The following GALNT15 variants were observed in gnomAD, a reference collection of about 807,000 sequenced individuals.
The protein encoded by GALNT15 is UDP-GalNAc transferase T15.
Under a neutral mutation model 66.8 loss-of-function variants are expected in GALNT15, and 67 were observed. The ratio of observed to expected loss-of-function variants is 1.00; its 90% CI spans 0.82 to 1.23. The LOEUF is 1.23. Among genes scored for constraint, GALNT15 ranks in the 50% most tolerant of loss-of-function variants. GALNT15 has a pLI of 0.00. For missense variants in GALNT15, 827 were observed against 804.3 expected (o/e 1.03, Z -0.34); for synonymous variants, 313 against 311.5 (o/e 1.00, Z -0.05).
In GALNT15 at chr3:16,181,268, G is replaced by A. The variant is rs939268451; in HGVS notation, c.539+5578G>A. On this transcript the variant is annotated intron_variant, in intron 1 of 9. Coordinates refer to ENST00000339732, the MANE Select transcript of GALNT15 (RefSeq NM_054110.5). This position sits in a 1 kb window ranked among gnomAD's most constrained non-coding sequence, Gnocchi z 5.9. The stretch of plus-strand genomic sequence containing the variant: ...ATTCATACTCATGCTCCACTTCCAA[G>A]GATTTCTATTTAGTTGGTCTGGGGT... Among the ~76,000 whole-genome samples the A allele has an allele frequency of 3.3e-5, 5 of 152,136 alleles. No homozygotes were observed. The South Asian group carries it at 1.0e-3, about 32-fold the overall frequency.
At position 16,198,205 on chromosome 3, in the gene GALNT15, T is replaced by G. The variant is rs188504295; in HGVS notation, c.706+2279T>G. Among the ~76,000 whole-genome samples the G allele has an allele frequency of 1.1e-3, 155 of 142,572 alleles. 24 individuals carry two copies. The highest frequency in any genetic ancestry group is 3.6e-3 in the African/African-American group (138 of 38,340). 93.5% of individuals were successfully genotyped at this position (142,572 alleles called of 152,430 possible). A position where few individuals can be genotyped will look rare whatever the true frequency, so the allele number is the denominator to read the frequency against. ...ATGCCATTGGACACCCACCTTCATC[T>G]GCTTTCCACTTCAACATGCTTAGAG... is the stretch of plus-strand genomic sequence containing the variant. On this transcript the variant is annotated intron_variant, in intron 2 of 9. Transcript: ENST00000339732.
chr3:16,244,738 T>C, the GALNT15 span, among the ~76,000 whole-genome samples: 1 of 152,252 alleles, frequency 6.6e-6, no homozygotes, highest in African/African-American at 2.4e-5. Context: ...TGCTTAAGAC[T>C]GGAGTCCTGG....
rs1197781415 is a variant in GALNT15, at chr3:16,229,120, G to C, written c.*1620G>C. ...TAAAGATGCTAATCTCCTTTGGGCT[G>C]TCTCAGAACACAGTATCCTTCAAAT... On this transcript the variant is annotated 3_prime_UTR_variant, in exon 10 of 10. Transcript: ENST00000339732. The C allele has an allele frequency of 1.0e-6, 1 of 985,304 alleles. No homozygotes were observed. The highest frequency in any genetic ancestry group is 1.2e-6 in the Non-Finnish European group (1 of 829,930). The allele number at this position is 985,304 out of a possible 1,614,324, so 61.0% of individuals were successfully genotyped here. A position where few individuals can be genotyped will look rare whatever the true frequency, so the allele number is the denominator to read the frequency against.
intron 4 of GALNT15, among the ~76,000 whole-genome samples, chr3:16,210,634 A>C (rs2063802152): frequency 6.6e-6 from 1 of 152,182 alleles, no homozygotes; most frequent in African/African-American, 2.4e-5. Flanking sequence ...GTGGGGACTT[A>C]TCTGCTTCCA....
At chr3:16,240,512 A>G in the GALNT15 span, among the ~76,000 whole-genome samples, 1 of 152,354 alleles carries the variant, frequency 6.6e-6, no homozygotes, top group African/African-American at 2.4e-5. Context: ...CAGGAAGGCA[A>G]TCAAGTGCTC....
chr3:16,203,495 T>C lies in GALNT15; in HGVS notation c.911+2672T>C, dbSNP rs2063722813. On this transcript the variant is annotated intron_variant, in intron 3 of 9. Transcript: ENST00000339732. The surrounding 1 kb of genome is among the most constrained non-coding windows in gnomAD (Gnocchi z 6.2). ...CTCTCTACCTCTCTCACGGTCTTTG[T>C]CTCTCTCTGTCTCTTGGTCACTCAT... Among the ~76,000 whole-genome samples the C allele has an allele frequency of 6.6e-6, 1 of 151,378 alleles. No individual in the cohort carries two copies. Among genetic ancestry groups the C allele is most frequent in the Non-Finnish European group, 1.5e-5 (1 of 67,938 alleles).
rs1405440029 is a variant in GALNT15, at chr3:16,181,122, A to G, written c.539+5432A>G. Among the ~76,000 whole-genome samples the G allele has an allele frequency of 6.6e-6, 1 of 152,112 alleles. No individual in the cohort carries two copies. Among genetic ancestry groups the G allele is most frequent in the Non-Finnish European group, 1.5e-5 (1 of 68,018 alleles). ...AAGTTGGAGTGATGGAGAAAAATGG[A>G]GCTGTGGATATCATATTGCTGTCCT... is the stretch of plus-strand genomic sequence containing the variant. On this transcript the variant is annotated intron_variant, in intron 1 of 9. Transcript: ENST00000339732. The surrounding 1 kb of genome is among the most constrained non-coding windows in gnomAD (Gnocchi z 5.9).
Position 16,175,277 on chromosome 3 carries a change from G to C in GALNT15, c.126G>C (p.Gln42His), listed in dbSNP as rs1351033770. The C allele has an allele frequency of 3.1e-6, 5 of 1,614,058 alleles. No individual in the cohort carries two copies. In the African/African-American group the frequency reaches 5.3e-5, roughly 17 times the overall value. ...MLHPPHHTLH[Q>H]TVTAQASKHS... is the part of the protein sequence containing the mutation. ...ACCCTCCCCACCACACCCTGCACCA[G>C]ACTGTCACAGCCCAAGCCAGCAAGC... Residue 42 changes from glutamine to histidine, a missense_variant, in exon 1 of 10, where the codon CAG (glutamine) becomes CAC (histidine). Transcript: ENST00000339732. This position sits in a 1 kb window ranked among gnomAD's most constrained non-coding sequence, Gnocchi z 5.6.
At chr3:16,216,010 C>T (rs1203204287) in intron 6 of GALNT15, among the ~76,000 whole-genome samples, 1 of 151,782 alleles carries the variant, frequency 6.6e-6, no homozygotes, top group East Asian at 1.9e-4. Context: ...AGTATTTATT[C>T]TGCTGACCTT....
intron 8 of GALNT15, 154 bp downstream of exon 8, chr3:16,220,168 T>C (rs1481706910): frequency 1.5e-6 from 1 of 652,400 alleles, no homozygotes; most frequent in African/African-American, 1.8e-5. Context: ...TAATGACTCA[T>C]CACAGCTCTC....
Position 16,228,238 on chromosome 3 carries a change from TTAACCA to T in GALNT15, c.*751_*756del. On this transcript the variant is annotated 3_prime_UTR_variant, in exon 10 of 10. Transcript: ENST00000339732. ...CTGCCCTAGCTCTTCTCTAACTTGG[TTAACCA>T]TAACCATAACCAGATTCCCTTGCAA... 1.0e-6 allele frequency: 1 copy of T among 985,918 alleles called. No individual in the cohort carries two copies. Among genetic ancestry groups the T allele is most frequent in the Non-Finnish European group, 1.2e-6 (1 of 829,966 alleles). 61.1% of individuals were successfully genotyped at this position (985,918 alleles called of 1,614,324 possible).
At position 16,217,025 on chromosome 3, in the gene GALNT15, G is replaced by C. The variant is rs866242323; in HGVS notation, c.1393-2378G>C. 7.9e-5 allele frequency among the ~76,000 whole-genome samples: 12 copies of C among 152,144 alleles called. No homozygotes were observed. In the South Asian group the frequency reaches 8.3e-4, roughly 10 times the overall value. On this transcript the variant is annotated intron_variant, in intron 6 of 9. Transcript: ENST00000339732. ...GGTGGCCTGACATCCCTGGAGGTTGGGGGGGTCGGGGAAAATCCTCTCCTG... is the reference window on the plus strand; with the variant it reads ...GGTGGCCTGACATCCCTGGAGGTTGCGGGGGTCGGGGAAAATCCTCTCCTG...
chr3:16,177,973 T>TG (rs1230714198), intron 1 of GALNT15, among the ~76,000 whole-genome samples: 1 of 152,148 alleles, frequency 6.6e-6, no homozygotes, highest in Non-Finnish European at 1.5e-5. Flanking sequence ...GTGTGTGTAG[T>TG]GTGCATGGGT....
In GALNT15 at chr3:16,184,013, T is replaced by C. The variant is rs2063494847; in HGVS notation, c.539+8323T>C. Among the ~76,000 whole-genome samples the C allele has an allele frequency of 6.6e-6, 1 of 152,176 alleles. No individual in the cohort carries two copies. Among genetic ancestry groups the C allele is most frequent in the Admixed American group, 6.5e-5 (1 of 15,286 alleles). On this transcript the variant is annotated intron_variant, in intron 1 of 9. Transcript: ENST00000339732. This position sits in a 1 kb window ranked among gnomAD's most constrained non-coding sequence, Gnocchi z 5.0. Reference sequence around the variant, plus strand: ...GCAGAACAGCTCTCTTAGGCTAAGATTATCCCTTTCAATCCAGGACACACC... The same window carrying C: ...GCAGAACAGCTCTCTTAGGCTAAGACTATCCCTTTCAATCCAGGACACACC...
At chr3:16,235,820 T>C (rs2064122273), downstream of GALNT15, among the ~76,000 whole-genome samples, 1 of 151,818 alleles carries the variant, frequency 6.6e-6, no homozygotes, top group Non-Finnish European at 1.5e-5. Context: ...GACTAGGCAT[T>C]CAGGTCAGGT....
At position 16,230,048 on chromosome 3, in the gene GALNT15, G is replaced by A. The variant is rs2064067065; in HGVS notation, c.*2548G>A. 6.6e-6 allele frequency among the ~76,000 whole-genome samples: 1 copy of A among 152,156 alleles called. No individual in the cohort carries two copies. ...ATCCATAATGATCAATTTAAAAGTA[G>A]AGAAACTTGTCAGTTGAGAGATCTG... is the stretch of plus-strand genomic sequence containing the variant. On this transcript the variant is annotated 3_prime_UTR_variant, in exon 10 of 10. Coordinates refer to ENST00000339732, the MANE Select transcript of GALNT15 (RefSeq NM_054110.5). The surrounding 1 kb of genome is among the most constrained non-coding windows in gnomAD (Gnocchi z 4.5).
chr3:16,238,606 G>T, the GALNT15 span, among the ~76,000 whole-genome samples: 1 of 152,106 alleles, frequency 6.6e-6, no homozygotes, highest in South Asian at 2.1e-4. The surrounding 1 kb of genome is among the most constrained non-coding windows in gnomAD (Gnocchi z 4.8). Flanking sequence ...GAAGGGTGAG[G>T]TTTCCACAGG....
chr3:16,215,916 A>AAACAAAAAACAAAAAAAAAAAAC (rs1019009823), intron 6 of GALNT15, among the ~76,000 whole-genome samples: 78 of 143,528 alleles, frequency 5.4e-4, no homozygotes, highest in African/African-American at 1.9e-3. Flanking sequence ...CAAAAAAAAA[A>AAACAAAAAACAAAAAAAAAAAAC]AAAAAAAAAG....
At chr3:16,244,966 T>C in the GALNT15 span, among the ~76,000 whole-genome samples, 1 of 152,138 alleles carries the variant, frequency 6.6e-6, no homozygotes, top group Non-Finnish European at 1.5e-5. Flanking sequence ...CTGAGCCCTG[T>C]GCTAAGTGTC....
Sources: gnomAD v4.1 joint callset for allele counts (sites outside exome capture counted in the v4.1 genomes callset) on GRCh38, gnomAD v4.1.1 for gene constraint, Gnocchi (gnomAD v3.1) non-coding constraint, MANE v1.5 for transcripts, NCBI Gene and HGNC (gene_info 2026-07-23, HGNC 2026-07-21) for gene names.